ZFYVE1: variants seen among roughly 807,000 people sequenced by gnomAD.
ZFYVE1 encodes zinc finger FYVE-type containing 1.
A neutral mutation model predicts 74.4 loss-of-function variants in ZFYVE1; 30 were observed. That is an observed-to-expected ratio of 0.40 (90% CI 0.30 to 0.55). The LOEUF (loss-of-function observed/expected upper bound fraction) is 0.55, where lower values mean the gene tolerates loss of function less well. Among genes scored for constraint, ZFYVE1 ranks in the 20% least tolerant of loss-of-function variants. ZFYVE1 has a pLI of 0.42. For synonymous variants in ZFYVE1, 335 were observed against 385.1 expected (o/e 0.87, Z 1.52); for missense variants, 703 against 1,011.6 (o/e 0.69, Z 4.14).
chr14:73,007,357 T>G (rs1344554874), intron 2 of ZFYVE1, among the ~76,000 whole-genome samples: 1 of 152,132 alleles, frequency 6.6e-6, no homozygotes, highest in African/African-American at 2.4e-5. Flanking sequence ...AAAAACAGAT[T>G]TAATCTGTAC....
intron 4 of ZFYVE1, among the ~76,000 whole-genome samples, chr14:72,990,770 G>A (rs866873461): frequency 1.8e-4 from 21 of 113,898 alleles, no homozygotes; most frequent in African/African-American, 6.2e-4. Context: ...CACTGTACTC[G>A]GCCCACTGCA....
rs775289965 is a variant in ZFYVE1 at position 72,993,259 on chromosome 14, T to C, written c.1087A>G (p.Arg363Gly). Residue 363 changes from arginine to glycine, a missense_variant, in exon 4 of 12, where the codon AGG becomes GGG. By Grantham distance (125) the Arg-to-Gly change is moderately radical. This residue lies in a region of ZFYVE1 where 492 missense variants were observed against 790.0 expected (regional missense o/e 0.62). Transcript: ENST00000556143. ...AFSSIHYKGT[R>G]TYNPPTDFSG... ...AAGTCCGTGGGAGGGTTGTAAGTCC[T>C]CGTTCCCTTGTAGTGAATGGAACTA... The C allele has an allele frequency of 1.2e-6, 2 of 1,613,924 alleles. No individual in the cohort carries two copies. Among genetic ancestry groups the C allele is most frequent in the Non-Finnish European group, 1.7e-6 (2 of 1,179,998 alleles).
rs150350944 is a variant in ZFYVE1, at chr14:73,003,945, G to A, written c.484-5630C>T. On this transcript the variant is annotated intron_variant, in intron 2 of 11. Transcript: ENST00000556143. Reference sequence around the variant, plus strand: ...CTCAGTGTACAGCTGCTGAGTGAATGAGTGAGTGAATAAACGCCAGGCACC... The same window carrying A: ...CTCAGTGTACAGCTGCTGAGTGAATAAGTGAGTGAATAAACGCCAGGCACC... Among the ~76,000 whole-genome samples, 384 of 152,280 alleles carry A rather than the reference G, an allele frequency of 2.5e-3. 1 individual carries two copies. Among genetic ancestry groups the A allele is most frequent in the Non-Finnish European group, 3.4e-3 (232 of 68,018 alleles).
intron 2 of ZFYVE1, among the ~76,000 whole-genome samples, chr14:73,023,799 T>C (rs1476582782): frequency 2.0e-5 from 3 of 152,042 alleles, no homozygotes; most frequent in African/African-American, 7.2e-5. Context: ...AAGTAGGCTG[T>C]CCCCCATTTT....
rs1893006663 is a variant in ZFYVE1, at chr14:72,970,600, G to C, written c.*282C>G. On this transcript the variant is annotated 3_prime_UTR_variant, in exon 12 of 12. Coordinates refer to ENST00000556143, the MANE Select transcript of ZFYVE1 (RefSeq NM_021260.4). ...GAGTGCCTTTCATATGTATATATGA[G>C]AGAGAGATATACACATATATATTCA... 2.2e-6 allele frequency: 1 copy of C among 460,600 alleles called. No homozygotes were observed. The highest frequency in any genetic ancestry group is 2.0e-5 in the African/African-American group (1 of 51,246). The allele number at this position is 460,600 out of a possible 1,614,324, so 28.5% of individuals were successfully genotyped here. A position where few individuals can be genotyped will look rare whatever the true frequency, so the allele number is the denominator to read the frequency against.
At position 73,006,709 on chromosome 14, in the gene ZFYVE1, CTT is replaced by C. The variant is rs35364666; in HGVS notation, c.484-8396_484-8395del. On this transcript the variant is annotated intron_variant, in intron 2 of 11. Transcript: ENST00000556143. ...ACTCAATGATCCCCCACCCCAGTTC[CTT>C]TTTTTTTTTTTTTTTTTTTTTTGAG... Among the ~76,000 whole-genome samples, 291 of 77,658 alleles carry C rather than the reference CTT, an allele frequency of 3.7e-3. 1 individual carries two copies. The highest frequency in any genetic ancestry group is 0.013 in the South Asian group (21 of 1,664). The allele number at this position is 77,658 out of a possible 152,430, so 50.9% of individuals were successfully genotyped here.
At position 73,004,993 on chromosome 14, in the gene ZFYVE1, CA is replaced by C. The variant is rs34755612; in HGVS notation, c.484-6679del. On this transcript the variant is annotated intron_variant, in intron 2 of 11. Coordinates refer to ENST00000556143, the MANE Select transcript of ZFYVE1 (RefSeq NM_021260.4). Reference sequence around the variant, plus strand: ...CCTGGGTGACAGTGAGACCCCGTCTCAAAAAAAAAAAAAAAAGGAGGCTATA... The same window carrying C: ...CCTGGGTGACAGTGAGACCCCGTCTCAAAAAAAAAAAAAAAGGAGGCTATA... Among the ~76,000 whole-genome samples the C allele has an allele frequency of 2.4e-3, 280 of 116,708 alleles. 1 individual carries two copies. The highest frequency in any genetic ancestry group is 3.9e-3 in the African/African-American group (126 of 32,362). The allele number at this position is 116,708 out of a possible 152,430, so 76.6% of individuals were successfully genotyped here.
chr14:72,983,956 C>T (rs1386899507), intron 4 of ZFYVE1, among the ~76,000 whole-genome samples: 1 of 152,110 alleles, frequency 6.6e-6, no homozygotes, highest in Non-Finnish European at 1.5e-5. Context: ...GTCTTAACAC[C>T]AGGAGTTGCA....
Position 72,975,058 on chromosome 14 carries a change from G to A in ZFYVE1, c.1807-99C>T, listed in dbSNP as rs1893133434. ...AGACCCCGGAGCAAGCAGAAACTAAGGCAGGTGGCGTTAGCTCAACAAGGA... is the reference window on the plus strand; with the variant it reads ...AGACCCCGGAGCAAGCAGAAACTAAAGCAGGTGGCGTTAGCTCAACAAGGA... On this transcript the variant is annotated intron_variant, in intron 9 of 11. Coordinates refer to ENST00000556143, the MANE Select transcript of ZFYVE1 (RefSeq NM_021260.4). The surrounding 1 kb of genome is among the most constrained non-coding windows in gnomAD (Gnocchi z 4.1). 8.1e-6 allele frequency: 11 copies of A among 1,351,578 alleles called. No homozygotes were observed. In the South Asian group the frequency reaches 1.5e-4, roughly 18 times the overall value. 83.7% of individuals were successfully genotyped at this position (1,351,578 alleles called of 1,614,324 possible). A position where few individuals can be genotyped will look rare whatever the true frequency, so the allele number is the denominator to read the frequency against.
chr14:72,984,390 G>A (rs529306855), intron 4 of ZFYVE1, among the ~76,000 whole-genome samples: 3 of 151,946 alleles, frequency 2.0e-5, no homozygotes, highest in African/African-American at 4.8e-5. Flanking sequence ...TTAGCTGGGC[G>A]TGGTGGCGGG....
chr14:73,027,039 C>A lies in ZFYVE1; in HGVS notation c.-548G>T. Reference sequence around the variant, plus strand: ...TCCATCCTCATCTCCATCTCCGCCACCCTCCTCCTTCGTTGCCTCCCGGGC... The same window carrying A: ...TCCATCCTCATCTCCATCTCCGCCAACCTCCTCCTTCGTTGCCTCCCGGGC... On this transcript the variant is annotated 5_prime_UTR_variant, in exon 1 of 12. Coordinates refer to ENST00000556143, the MANE Select transcript of ZFYVE1 (RefSeq NM_021260.4). The A allele has an allele frequency of 5.0e-6, 2 of 399,198 alleles. No homozygotes were observed. The allele number at this position is 399,198 out of a possible 1,614,324, so 24.7% of individuals were successfully genotyped here.
intron 2 of ZFYVE1, among the ~76,000 whole-genome samples, chr14:73,022,077 A>G (rs1894330704): frequency 6.6e-6 from 1 of 152,192 alleles, no homozygotes; most frequent in Admixed American, 6.6e-5. Flanking sequence ...ACCATCAAGA[A>G]TCACCCAAAA....
At chr14:73,003,806 A>G (rs757291949) in intron 2 of ZFYVE1, among the ~76,000 whole-genome samples, 1 of 152,152 alleles carries the variant, frequency 6.6e-6, no homozygotes, top group African/African-American at 2.4e-5. Flanking sequence ...CTAACAGTTC[A>G]CTGAATGCCG....
chr14:72,994,839 G>A (rs1323939846), intron 3 of ZFYVE1, among the ~76,000 whole-genome samples: 3 of 152,054 alleles, frequency 2.0e-5, no homozygotes, highest in African/African-American at 7.2e-5. Flanking sequence ...TCGATCCTGT[G>A]GATATACTTA....
intron 2 of ZFYVE1, among the ~76,000 whole-genome samples, chr14:73,018,525 C>T (rs1210421418): frequency 6.7e-6 from 1 of 149,674 alleles, no homozygotes; most frequent in Non-Finnish European, 1.5e-5. Flanking sequence ...CTTAATAATA[C>T]TCACTACAGC....
intron 2 of ZFYVE1, among the ~76,000 whole-genome samples, chr14:73,023,302 AT>A (rs1388747463): frequency 8.7e-5 from 10 of 115,492 alleles, no homozygotes; most frequent in Admixed American, 1.9e-4. Flanking sequence ...TATAATATAT[AT>A]TATATATGTT....
At chr14:72,979,598 A>T (rs1025181861) in intron 5 of ZFYVE1, among the ~76,000 whole-genome samples, 1 of 151,830 alleles carries the variant, frequency 6.6e-6, no homozygotes, top group Admixed American at 6.6e-5. Flanking sequence ...AGGTTGCAGT[A>T]AGCCAAGATC....
intron 2 of ZFYVE1, among the ~76,000 whole-genome samples, chr14:73,016,375 G>A (rs375716119): frequency 6.6e-6 from 1 of 152,164 alleles, no homozygotes; most frequent in African/African-American, 2.4e-5. Flanking sequence ...GCCAGGCGTG[G>A]TGGCGGGCGC....
chr14:73,015,007 G>C (rs1297095968), intron 2 of ZFYVE1, among the ~76,000 whole-genome samples: 1 of 151,990 alleles, frequency 6.6e-6, no homozygotes, highest in Non-Finnish European at 1.5e-5. Flanking sequence ...GGCTGAGGCA[G>C]ATCACTTGAG....
Sources: allele counts gnomAD v4.1 joint callset (sites outside exome capture counted in the v4.1 genomes callset), GRCh38; gene constraint gnomAD v4.1.1; regional missense constraint gnomAD v4.1.1; non-coding constraint Gnocchi (gnomAD v3.1); transcripts MANE v1.5; gene names NCBI Gene and HGNC (gene_info 2026-07-23, HGNC 2026-07-21).